CALN1: variants seen among roughly 807,000 people sequenced by gnomAD.
CALN1 encodes the protein calcium-binding protein 8.
A neutral mutation model predicts 30.6 loss-of-function variants in CALN1; 17 were observed. That is an observed-to-expected ratio of 0.56 (90% CI 0.38 to 0.83). CALN1 has a LOEUF of 0.83. Among genes scored for constraint, CALN1 ranks in the 40% least tolerant of loss-of-function variants. The probability of loss-of-function intolerance (pLI) is 0.00; values close to 1 mark genes in which losing one functional copy is unlikely to be tolerated. For synonymous variants in CALN1, 156 were observed against 131.4 expected, an observed-to-expected ratio of 1.19 and a Z score of -1.28; for missense variants, 291 against 354.9, an observed-to-expected ratio of 0.82 and a Z score of 1.45.
chr7:72,015,724 G>T (rs1461156976), intron 5 of CALN1, among the ~76,000 whole-genome samples: 1 of 152,140 alleles, frequency 6.6e-6, no homozygotes, highest in African/African-American at 2.4e-5. Flanking sequence ...GATTATAGGT[G>T]TGAGTCACTT....
At chr7:72,237,363 G>T (rs761560819) in intron 3 of CALN1, among the ~76,000 whole-genome samples, 19 of 152,132 alleles carry the variant, frequency 1.2e-4, no homozygotes, top group Non-Finnish European at 2.4e-4. Context: ...ACAAACATCT[G>T]CTGCTCTGAA....
chr7:72,300,898 C>T (rs1241029980), intron 2 of CALN1, among the ~76,000 whole-genome samples: 1 of 151,964 alleles, frequency 6.6e-6, no homozygotes, highest in African/African-American at 2.4e-5. Context: ...GAGGCTGAGG[C>T]AGGAGAATCG....
intron 3 of CALN1, among the ~76,000 whole-genome samples, chr7:72,184,176 G>A (rs1790021444): frequency 6.6e-6 from 1 of 152,166 alleles, no homozygotes; most frequent in Non-Finnish European, 1.5e-5. Context: ...GTGGCATGAT[G>A]GTTAATTTTT....
intron 1 of CALN1, chr7:72,446,946 A>G (rs896877997): frequency 1.3e-5 from 2 of 152,502 alleles, no homozygotes; most frequent in Non-Finnish European, 2.9e-5. Context: ...GGAAGAGGAA[A>G]AGCAGAAGGG....
Position 72,205,542 on chromosome 7 carries a change from C to CAAAAA in CALN1, c.244+73139_244+73143dup, listed in dbSNP as rs375314989. Among the ~76,000 whole-genome samples the CAAAAA allele has an allele frequency of 3.8e-3, 204 of 53,020 alleles. 2 individuals are homozygous for CAAAAA. Among genetic ancestry groups the CAAAAA allele is most frequent in the African/African-American group, 0.02 (191 of 9,752 alleles). The allele number at this position is 53,020 out of a possible 152,430, so 34.8% of individuals were successfully genotyped here. A position where few individuals can be genotyped will look rare whatever the true frequency, so the allele number is the denominator to read the frequency against. On this transcript the variant is annotated intron_variant, in intron 3 of 6. Transcript: ENST00000395275. Reference sequence around the variant, plus strand: ...GTCAGAAGTATTTTTCTCCTGATTGCAAAAAAAAAATATATATATATATAT... The same window carrying CAAAAA: ...GTCAGAAGTATTTTTCTCCTGATTGCAAAAAAAAAAAAAAATATATATATATATAT...
At chr7:72,142,435 C>T (rs7810076) in intron 3 of CALN1, among the ~76,000 whole-genome samples, 41,384 of 152,074 alleles carry the variant, frequency 0.27, 6,323 homozygotes, top group Non-Finnish European at 0.35. Context: ...GGGGCACCTG[C>T]CATTGCTGAG....
At chr7:72,472,269 C>CATTTG in the CALN1 span, among the ~76,000 whole-genome samples, 4 of 152,154 alleles carry the variant, frequency 2.6e-5, no homozygotes, top group Non-Finnish European at 4.4e-5. Context: ...ATTTGCAAGG[C>CATTTG]CATACATCCT....
chr7:72,494,517 C>T, the CALN1 span, among the ~76,000 whole-genome samples: 1 of 152,150 alleles, frequency 6.6e-6, no homozygotes, highest in East Asian at 1.9e-4. Context: ...GCTGGGACAC[C>T]TCCCCACCTG....
chr7:71,798,995 C>A (rs972639832), intron 6 of CALN1, among the ~76,000 whole-genome samples: 2 of 152,076 alleles, frequency 1.3e-5, no homozygotes, highest in East Asian at 3.9e-4. Flanking sequence ...AATGTGTCAA[C>A]AGCAAGGCTC....
intron 4 of CALN1, among the ~76,000 whole-genome samples, chr7:72,068,887 A>G (rs1355928621): frequency 1.3e-5 from 2 of 152,246 alleles, no homozygotes; most frequent in Non-Finnish European, 2.9e-5. Flanking sequence ...TGGTTAAACC[A>G]TCACATAGAT....
chr7:71,950,347 T>C (rs534171019), intron 5 of CALN1, among the ~76,000 whole-genome samples: 50 of 152,266 alleles, frequency 3.3e-4, no homozygotes, highest in Admixed American at 3.1e-3. Flanking sequence ...CACCCACAGA[T>C]ACATGGAAGG....
At chr7:72,422,845 T>G (rs1160112846) in intron 1 of CALN1, among the ~76,000 whole-genome samples, 3 of 152,210 alleles carry the variant, frequency 2.0e-5, no homozygotes, top group African/African-American at 7.2e-5. Context: ...AGATTTCATT[T>G]TGGCTGAGCG....
intron 4 of CALN1, among the ~76,000 whole-genome samples, chr7:72,039,563 G>C (rs1802001378): frequency 6.6e-6 from 1 of 152,094 alleles, no homozygotes; most frequent in African/African-American, 2.4e-5. Flanking sequence ...CTTTTGACTT[G>C]GGTTTGACCC....
At chr7:72,321,597 C>G (rs1480518441) in intron 2 of CALN1, among the ~76,000 whole-genome samples, 3 of 152,176 alleles carry the variant, frequency 2.0e-5, no homozygotes, top group Non-Finnish European at 4.4e-5. Flanking sequence ...GTCAAGGTGT[C>G]AACTCCAACT....
At chr7:72,200,823 T>TTA (rs1791367224) in intron 3 of CALN1, among the ~76,000 whole-genome samples, 1 of 152,230 alleles carries the variant, frequency 6.6e-6, no homozygotes, top group African/African-American at 2.4e-5. Flanking sequence ...TGTAGCTATA[T>TTA]TATACACTGG....
At chr7:72,452,566 A>C in the CALN1 span, among the ~76,000 whole-genome samples, 5 of 151,966 alleles carry the variant, frequency 3.3e-5, no homozygotes, top group East Asian at 9.7e-4. Flanking sequence ...GCTTCCTGAC[A>C]CCTCACCGGA....
intron 5 of CALN1, among the ~76,000 whole-genome samples, chr7:71,941,904 A>C: frequency 6.6e-6 from 1 of 152,110 alleles, no homozygotes; most frequent in African/African-American, 2.4e-5. Flanking sequence ...TAGGGACATA[A>C]AAAAGTCAAC....
At chr7:71,973,301 A>G (rs1402956238) in intron 5 of CALN1, among the ~76,000 whole-genome samples, 2 of 151,808 alleles carry the variant, frequency 1.3e-5, no homozygotes, top group Non-Finnish European at 2.9e-5. Flanking sequence ...TCAGCCTCCC[A>G]AGTAGCTGGG....
At chr7:72,032,045 C>T (rs1268551826) in intron 4 of CALN1, among the ~76,000 whole-genome samples, 1 of 142,938 alleles carries the variant, frequency 7.0e-6, no homozygotes, top group Non-Finnish European at 1.5e-5. Flanking sequence ...CCACACCTGG[C>T]TCCTGGCTTT....
Sources: gnomAD v4.1 joint callset for allele counts (sites outside exome capture counted in the v4.1 genomes callset) on GRCh38, gnomAD v4.1.1 for gene constraint, MANE v1.5 for transcripts, NCBI Gene and HGNC (gene_info 2026-07-23, HGNC 2026-07-21) for gene names.